Variants in DGKG observed in about 807,000 individuals in gnomAD.
DGKG encodes the protein DAG kinase gamma.
A neutral mutation model predicts 105.3 loss-of-function variants in DGKG; 78 were observed. That is an observed-to-expected ratio of 0.74 (90% CI 0.62 to 0.89). The LOEUF (loss-of-function observed/expected upper bound fraction) is 0.89, where lower values mean the gene tolerates loss of function less well. DGKG is among the 40% of genes least tolerant of loss of function. The probability of loss-of-function intolerance (pLI) is 0.00; values close to 1 mark genes in which losing one functional copy is unlikely to be tolerated. For synonymous variants in DGKG, 346 were observed against 367.1 expected, an observed-to-expected ratio of 0.94 and a Z score of 0.66; for missense variants, 958 against 1,020.1, an observed-to-expected ratio of 0.94 and a Z score of 0.83.
At chr3:186,238,815 A>C (rs1053462146) in intron 20 of DGKG, among the ~76,000 whole-genome samples, 1 of 152,130 alleles carries the variant, frequency 6.6e-6, no homozygotes, top group African/African-American at 2.4e-5. Flanking sequence ...ATTCCATCAG[A>C]GAACATAACT....
rs1194676849 is a variant in DGKG at position 186,231,730 on chromosome 3, C to A, written c.1826+10774G>T. ...GGTCAGGAGTTTGAGACCAGCCTGG[C>A]CAACATGGTGAAACCCGCTCTCTAC... On this transcript the variant is annotated intron_variant, in intron 20 of 24. Coordinates refer to ENST00000265022, the MANE Select transcript of DGKG (RefSeq NM_001346.3). This position sits in a 1 kb window ranked among gnomAD's most constrained non-coding sequence, Gnocchi z 4.5. Among the ~76,000 whole-genome samples the A allele has an allele frequency of 6.6e-6, 1 of 152,058 alleles. No homozygotes were observed. The highest frequency in any genetic ancestry group is 1.5e-5 in the Non-Finnish European group (1 of 68,024).
Position 186,268,921 on chromosome 3 carries a change from C to T in DGKG, c.1000-4G>A, listed in dbSNP as rs765549949. 1.2e-5 allele frequency: 19 copies of T among 1,607,432 alleles called. No homozygotes were observed. Among genetic ancestry groups the T allele is most frequent in the East Asian group, 8.9e-5 (4 of 44,846 alleles). ...CCACCCATGCGTGCTGCATCACCTG[C>T]GGGAGGGAAGCGAACGATGCCAGGG... On this transcript the variant is annotated splice_region_variant and splice_polypyrimidine_tract_variant and intron_variant, in intron 11 of 24. Transcript: ENST00000265022.
chr3:186,326,095 G>T (rs554200824), intron 1 of DGKG, among the ~76,000 whole-genome samples: 47 of 152,274 alleles, frequency 3.1e-4, no homozygotes, highest in Admixed American at 7.8e-4. Flanking sequence ...GACAGAGCTA[G>T]AAAATAGATG....
At chr3:186,303,386 C>T (rs533171059) in intron 3 of DGKG, among the ~76,000 whole-genome samples, 3 of 152,080 alleles carry the variant, frequency 2.0e-5, no homozygotes, top group Non-Finnish European at 4.4e-5. Flanking sequence ...TCTGTTTTTC[C>T]CCAGCAGCTT....
chr3:186,160,254 A>G (rs1023263821), intron 24 of DGKG: 1 of 985,302 alleles, frequency 1.0e-6, no homozygotes, highest in Non-Finnish European at 1.2e-6. Flanking sequence ...TTCAAAATCC[A>G]GTGCTTGAAT....
chr3:186,179,790 TGAGAG>T (rs1044082307), intron 22 of DGKG, among the ~76,000 whole-genome samples: 2 of 152,076 alleles, frequency 1.3e-5, no homozygotes, highest in Admixed American at 6.5e-5. Context: ...GAAAAGGGCT[TGAGAG>T]GAGAGAAGAG....
chr3:186,189,062 C>T (rs1717782977), intron 21 of DGKG, among the ~76,000 whole-genome samples: 1 of 152,162 alleles, frequency 6.6e-6, no homozygotes, highest in Non-Finnish European at 1.5e-5. Flanking sequence ...ATCCGCCCGC[C>T]TCAGCCTCCC....
chr3:186,350,094 T>C (rs1177956212), intron 1 of DGKG, among the ~76,000 whole-genome samples: 2 of 152,270 alleles, frequency 1.3e-5, no homozygotes, highest in East Asian at 1.9e-4. Context: ...TTCATCATGT[T>C]GGCCAGGCTG....
intron 6 of DGKG, among the ~76,000 whole-genome samples, chr3:186,285,980 C>G (rs1433483951): frequency 6.6e-6 from 1 of 152,180 alleles, no homozygotes; most frequent in Non-Finnish European, 1.5e-5. Flanking sequence ...CGCTCCCCGG[C>G]CTTTCCTGCT....
At position 186,333,001 on chromosome 3, in the gene DGKG, G is replaced by A. The variant is rs115563612; in HGVS notation, c.-248-12294C>T. ...ATGTAGAATCACCACCAGTAAGAAGGGCCTCACCAGATGCAGTCCCTCAAC... is the reference window on the plus strand; with the variant it reads ...ATGTAGAATCACCACCAGTAAGAAGAGCCTCACCAGATGCAGTCCCTCAAC... On this transcript the variant is annotated intron_variant, in intron 1 of 24. Transcript: ENST00000265022. 5.6e-3 allele frequency among the ~76,000 whole-genome samples: 857 copies of A among 152,076 alleles called. 14 individuals carry two copies. The highest frequency in any genetic ancestry group is 0.02 in the African/African-American group (827 of 41,478).
chr3:186,161,769 A>G (rs779243336), intron 23 of DGKG, 106 bp from the exon 24 acceptor site: 1 of 1,536,926 alleles, frequency 6.5e-7, no homozygotes, highest in Non-Finnish European at 8.9e-7. Context: ...CTGCCTACCT[A>G]AGTGTGGTTC....
At chr3:186,194,624 C>T (rs1718084023) in intron 21 of DGKG, among the ~76,000 whole-genome samples, 2 of 152,130 alleles carry the variant, frequency 1.3e-5, no homozygotes, top group South Asian at 4.1e-4. Context: ...AGGCCTGCCA[C>T]TCGGCTTTGT....
In DGKG at chr3:186,161,605, T is replaced by C; in HGVS notation, c.2275A>G (p.Thr759Ala). The C allele has an allele frequency of 2.5e-6, 4 of 1,614,228 alleles. No homozygotes were observed. Among genetic ancestry groups the C allele is most frequent in the Non-Finnish European group, 3.4e-6 (4 of 1,180,026 alleles). Residue 759 changes from threonine to alanine, a missense_variant and splice_region_variant, in exon 24 of 25, where the codon ACG (threonine) becomes GCG (alanine). Coordinates refer to ENST00000265022, the MANE Select transcript of DGKG (RefSeq NM_001346.3). ...DGEPWMQPCC[T>A]IKITHKNQAP... ...TCTCAAAGATTGGCAAGACTCACCG[T>C]GCAACATGGCTGCATCCAGGGTTCT...
intron 1 of DGKG, among the ~76,000 whole-genome samples, chr3:186,358,115 G>A (rs1727057052): frequency 1.3e-5 from 2 of 152,240 alleles, no homozygotes; most frequent in Non-Finnish European, 2.9e-5. Flanking sequence ...ACAGGACCTG[G>A]AAAATTCTCT....
intron 5 of DGKG, among the ~76,000 whole-genome samples, chr3:186,290,202 A>G (rs751749743): frequency 5.3e-5 from 8 of 152,234 alleles, no homozygotes; most frequent in East Asian, 1.9e-4. Context: ...TATCACCTCT[A>G]TTATACAAAA....
At chr3:186,298,330 GAAAGGGAGGC>G in intron 3 of DGKG, 101 bp from the exon 4 acceptor site, 1 of 1,166,220 alleles carries the variant, frequency 8.6e-7, no homozygotes, top group Non-Finnish European at 1.2e-6. Context: ...GAAAGGAATG[GAAAGGGAGGC>G]AGTAGGACAT....
chr3:186,280,967 C>G, intron 7 of DGKG: 1 of 485,858 alleles, frequency 2.1e-6, no homozygotes, highest in Non-Finnish European at 3.8e-6. Context: ...ATGCAAAAAG[C>G]TCATAAACAC....
chr3:186,337,964 G>A (rs951338503), intron 1 of DGKG, among the ~76,000 whole-genome samples: 1 of 152,038 alleles, frequency 6.6e-6, no homozygotes, highest in African/African-American at 2.4e-5. Context: ...GAGCCCAGGA[G>A]TTCAAGACAA....
intron 20 of DGKG, among the ~76,000 whole-genome samples, chr3:186,213,827 A>G (rs187239072): frequency 8.1e-4 from 123 of 152,322 alleles, no homozygotes; most frequent in African/African-American, 2.9e-3. Flanking sequence ...AAATGAAAAC[A>G]TGGAAAAGGA....
Sources: allele counts gnomAD v4.1 joint callset (sites outside exome capture counted in the v4.1 genomes callset), GRCh38; gene constraint gnomAD v4.1.1; non-coding constraint Gnocchi (gnomAD v3.1); transcripts MANE v1.5; gene names NCBI Gene and HGNC (gene_info 2026-07-23, HGNC 2026-07-21).